SCAMP1: variants seen among roughly 807,000 people sequenced by gnomAD.
The protein encoded by SCAMP1 is secretory carrier membrane protein 1.
In SCAMP1, 15 loss-of-function variants were observed where a neutral mutation model predicts 41.8. That is an observed-to-expected ratio of 0.36 (90% confidence interval 0.24 to 0.55). SCAMP1 has a LOEUF of 0.55. SCAMP1 is among the 20% of genes least tolerant of loss of function. The probability of loss-of-function intolerance (pLI) is 0.86; values close to 1 mark genes in which losing one functional copy is unlikely to be tolerated. For missense variants in SCAMP1, 341 were observed against 412.6 expected (o/e 0.83, Z 1.50); for synonymous variants, 135 against 136.8 (o/e 0.99, Z 0.09).
chr5:78,388,185 A>G (rs577218958), intron 1 of SCAMP1, among the ~76,000 whole-genome samples: 33 of 152,278 alleles, frequency 2.2e-4, no homozygotes, highest in African/African-American at 7.7e-4. Flanking sequence ...GGGAGCTGCA[A>G]GTTAGTATTG....
intron 6 of SCAMP1, among the ~76,000 whole-genome samples, chr5:78,437,008 C>T (rs539658396): frequency 5.9e-5 from 9 of 152,190 alleles, no homozygotes; most frequent in South Asian, 2.1e-4. Context: ...AGTTCACTCA[C>T]AATTTGGCTC....
intron 6 of SCAMP1, among the ~76,000 whole-genome samples, chr5:78,446,492 A>C (rs1410897481): frequency 1.3e-5 from 2 of 148,542 alleles, no homozygotes; most frequent in African/African-American, 5.0e-5. Context: ...AAATAGTAAA[A>C]ACTCTAAGTG....
Position 78,479,323 on chromosome 5 carries a change from CCTTA to C in SCAMP1, c.*3659_*3662del, listed in dbSNP as rs1754077541. Among the ~76,000 whole-genome samples the C allele has an allele frequency of 6.6e-6, 1 of 152,122 alleles. No individual in the cohort carries two copies. Among genetic ancestry groups the C allele is most frequent in the Admixed American group, 6.5e-5 (1 of 15,276 alleles). On this transcript the variant is annotated 3_prime_UTR_variant, in exon 9 of 9. Coordinates refer to ENST00000621999, the MANE Select transcript of SCAMP1 (RefSeq NM_004866.6). ...GAGGATGGTTAAAAAATAGAAAACA[CCTTA>C]CTTTGATACATTTTAAAGTACAATA...
At chr5:78,439,923 C>CT (rs1332764686) in intron 6 of SCAMP1, among the ~76,000 whole-genome samples, 2 of 152,052 alleles carry the variant, frequency 1.3e-5, no homozygotes, top group Admixed American at 1.3e-4. Context: ...TCTTTTTACT[C>CT]TTTTTTCTCC....
At chr5:78,423,016 G>GCACACACA (rs57059961) in intron 6 of SCAMP1, among the ~76,000 whole-genome samples, 29 of 33,398 alleles carry the variant, frequency 8.7e-4, no homozygotes, top group African/African-American at 2.2e-3. Context: ...ACGCGCGCGC[G>GCACACACA]CACACACACA....
chr5:78,391,390 C>T (rs1426850457), intron 2 of SCAMP1, among the ~76,000 whole-genome samples: 29 of 149,432 alleles, frequency 1.9e-4, no homozygotes, highest in Non-Finnish European at 3.4e-4. Context: ...CCGGACGGGG[C>T]GGCTGGCCTG....
intron 1 of SCAMP1, among the ~76,000 whole-genome samples, chr5:78,386,100 G>T (rs1442855906): frequency 6.6e-6 from 1 of 152,048 alleles, no homozygotes; most frequent in African/African-American, 2.4e-5. Context: ...CATTTCTTAG[G>T]TCTAGTAGTA....
At chr5:78,365,972 G>A (rs568410642) in intron 1 of SCAMP1, among the ~76,000 whole-genome samples, 7 of 152,040 alleles carry the variant, frequency 4.6e-5, no homozygotes, top group Non-Finnish European at 8.8e-5. Context: ...CTCACAGTGG[G>A]TAATTTATAA....
chr5:78,453,490 A>G (rs1220230282), intron 7 of SCAMP1, among the ~76,000 whole-genome samples: 3 of 151,986 alleles, frequency 2.0e-5, no homozygotes, highest in Non-Finnish European at 2.9e-5. Context: ...AAGATCAGAT[A>G]GTTGTAGATG....
chr5:78,473,820 A>G (rs1753941510), intron 8 of SCAMP1, among the ~76,000 whole-genome samples: 1 of 152,180 alleles, frequency 6.6e-6, no homozygotes, highest in African/African-American at 2.4e-5. Context: ...ATAAATGCCA[A>G]GGTTTCAGCT....
chr5:78,431,406 T>C (rs1325144463), intron 6 of SCAMP1, among the ~76,000 whole-genome samples: 1 of 151,842 alleles, frequency 6.6e-6, no homozygotes, highest in Non-Finnish European at 1.5e-5. Flanking sequence ...GACAGTCTCT[T>C]TTAATTAATG....
chr5:78,392,705 A>G (rs1192619314), intron 2 of SCAMP1, among the ~76,000 whole-genome samples: 4 of 152,222 alleles, frequency 2.6e-5, no homozygotes, highest in Admixed American at 6.5e-5. Flanking sequence ...TTCTTATGAT[A>G]ATTGGGTGCA....
chr5:78,469,938 A>AAAAAAAAAAAAAT, intron 8 of SCAMP1, among the ~76,000 whole-genome samples: 2 of 84,198 alleles, frequency 2.4e-5, no homozygotes, highest in Non-Finnish European at 4.6e-5. Flanking sequence ...AAAAACAACA[A>AAAAAAAAAAAAAT]CACAGCCCAG....
At chr5:78,450,285 G>A (rs1267067232) in intron 7 of SCAMP1, among the ~76,000 whole-genome samples, 4 of 152,042 alleles carry the variant, frequency 2.6e-5, no homozygotes, top group Non-Finnish European at 5.9e-5. Flanking sequence ...ATGTAAGGGC[G>A]CTAAGAGGAA....
chr5:78,447,790 TTTCTTC>T (rs936656649), intron 6 of SCAMP1, among the ~76,000 whole-genome samples: 1 of 63,658 alleles, frequency 1.6e-5, no homozygotes, highest in East Asian at 2.4e-4. Flanking sequence ...CAAAAGAAAC[TTTCTTC>T]TTCTTCTTCC....
chr5:78,446,666 CT>C (rs1753059470), intron 6 of SCAMP1, among the ~76,000 whole-genome samples: 1 of 151,976 alleles, frequency 6.6e-6, no homozygotes, highest in African/African-American at 2.4e-5. Flanking sequence ...CATAGGATTT[CT>C]ATTCAGTATT....
chr5:78,461,246 T>C (rs1303978293), intron 8 of SCAMP1, among the ~76,000 whole-genome samples: 2 of 152,218 alleles, frequency 1.3e-5, no homozygotes, highest in Non-Finnish European at 1.5e-5. Context: ...GTAAATTCTT[T>C]GTCTAGGCCA....
At chr5:78,388,973 A>G (rs535644909) in intron 2 of SCAMP1, 59 bp downstream of exon 2, 2 of 870,122 alleles carry the variant, frequency 2.3e-6, no homozygotes, top group Non-Finnish European at 3.6e-6. Context: ...TTCTATTTTA[A>G]CTATGATTTC....
At chr5:78,448,484 C>T (rs1481947965) in intron 6 of SCAMP1, among the ~76,000 whole-genome samples, 1 of 152,110 alleles carries the variant, frequency 6.6e-6, no homozygotes, top group Non-Finnish European at 1.5e-5. Flanking sequence ...CTAATTACAA[C>T]ATCAGAAAAA....
Sources: allele counts gnomAD v4.1 joint callset (sites outside exome capture counted in the v4.1 genomes callset), GRCh38; gene constraint gnomAD v4.1.1; transcripts MANE v1.5; gene names NCBI Gene and HGNC (gene_info 2026-07-23, HGNC 2026-07-21).